RAB1B: variants seen among roughly 807,000 people sequenced by gnomAD.
RAB1B encodes RAB1B, member RAS oncogene family, also known as ras-related protein Rab-1B.
Under a neutral mutation model 24.8 loss-of-function variants are expected in RAB1B, and 10 were observed. The observed-to-expected ratio is 0.40, with a 90% confidence interval of 0.25 to 0.68. The LOEUF (loss-of-function observed/expected upper bound fraction) is 0.68, where lower values mean the gene tolerates loss of function less well. Among genes scored for constraint, RAB1B ranks in the 30% least tolerant of loss-of-function variants. The pLI is 0.37. For missense variants in RAB1B, 154 were observed against 271.2 expected, an observed-to-expected ratio of 0.57 and a Z score of 3.04; for synonymous variants, 99 against 111.7, an observed-to-expected ratio of 0.89 and a Z score of 0.72.
chr11:66,272,876 C>G (rs113682509), intron 4 of RAB1B, among the ~76,000 whole-genome samples: 36 of 152,322 alleles, frequency 2.4e-4, no homozygotes, highest in African/African-American at 8.4e-4. Context: ...GACAAAGAAG[C>G]AGGGAAGCTT....
Position 66,276,533 on chromosome 11 carries a change from G to A in RAB1B, c.*295G>A, listed in dbSNP as rs183229926. The A allele has an allele frequency of 3.4e-4, 130 of 383,360 alleles. No homozygotes were observed. The highest frequency in any genetic ancestry group is 2.5e-3 in the African/African-American group (120 of 47,270). 23.7% of individuals were successfully genotyped at this position (383,360 alleles called of 1,614,324 possible). On this transcript the variant is annotated 3_prime_UTR_variant, in exon 6 of 6. Transcript: ENST00000311481. ...CCTACACACCTTTCTTTGGAACGAG[G>A]GCTCTTCTGTCGGTGTCCCTCCCAC...
chr11:66,273,881 C>G (rs1177589791), intron 4 of RAB1B, among the ~76,000 whole-genome samples: 1 of 152,176 alleles, frequency 6.6e-6, no homozygotes, highest in African/African-American at 2.4e-5. Context: ...TGAGCACACC[C>G]TTTCCCACCC....
chr11:66,269,935 C>T (rs1331816453), intron 1 of RAB1B: 2 of 151,628 alleles, frequency 1.3e-5, no homozygotes, highest in African/African-American at 2.4e-5. Context: ...AGTGCAGTGG[C>T]GTGACGATGG....
intron 2 of RAB1B, 29 bp downstream of exon 2, chr11:66,271,898 C>T: frequency 1.3e-6 from 2 of 1,576,090 alleles, no homozygotes; most frequent in Non-Finnish European, 8.7e-7. Flanking sequence ...ATACCATCCA[C>T]CTGGGGTCCT....
In RAB1B at chr11:66,272,262, G is replaced by A. The variant is rs561758693; in HGVS notation, c.183+10G>A. ...TATCAAACTTCAGATCGTGAGTGTC[G>A]CTCTTCCCAAAATCCCCAGTACAGA... On this transcript the variant is annotated intron_variant, in intron 3 of 5. Coordinates refer to ENST00000311481, the MANE Select transcript of RAB1B (RefSeq NM_030981.3). The A allele has an allele frequency of 8.7e-6, 14 of 1,611,340 alleles. No individual in the cohort carries two copies. The highest frequency in any genetic ancestry group is 8.3e-5 in the Admixed American group (5 of 60,014).
intron 4 of RAB1B, 166 bp downstream of exon 4, chr11:66,272,626 T>G: frequency 2.0e-6 from 1 of 507,668 alleles, no homozygotes; most frequent in Non-Finnish European, 3.5e-6. Flanking sequence ...TGACTGTACT[T>G]GGACTCATTT....
In RAB1B at chr11:66,276,952, C is replaced by T. The variant is rs992518122; in HGVS notation, c.*714C>T. On this transcript the variant is annotated 3_prime_UTR_variant, in exon 6 of 6. Coordinates refer to ENST00000311481, the MANE Select transcript of RAB1B (RefSeq NM_030981.3). ...ACAGACCCATGCGCTGCCTGCCCAC[C>T]GTGCCCCTTTGTCCCCATGTCAGGC... 7 of 153,284 alleles carry T rather than the reference C, an allele frequency of 4.6e-5. No individual in the cohort carries two copies. Among genetic ancestry groups the T allele is most frequent in the Non-Finnish European group, 1.0e-4 (7 of 68,562 alleles). The allele number at this position is 153,284 out of a possible 1,614,324, so 9.5% of individuals were successfully genotyped here.
At chr11:66,268,747 C>A (rs1856986239) in intron 1 of RAB1B, 54 bp downstream of exon 1, 1 of 1,516,146 alleles carries the variant, frequency 6.6e-7, no homozygotes. Context: ...GAATACAGGG[C>A]TGTACGCTTA....
At position 66,275,230 on chromosome 11, in the gene RAB1B, T is replaced by G. The variant is rs534842750; in HGVS notation, c.280-574T>G. Among the ~76,000 whole-genome samples, 60 of 152,264 alleles carry G rather than the reference T, an allele frequency of 3.9e-4. 2 individuals carry two copies. The Middle Eastern group carries it at 0.02, about 52-fold the overall frequency. The stretch of plus-strand genomic sequence containing the variant: ...TCCTGAAAGTCCTGTCCTTTGTGTG[T>G]GGGGTAGGGGCGCAAGTGCTGGGAG... On this transcript the variant is annotated intron_variant, in intron 4 of 5. Coordinates refer to ENST00000311481, the MANE Select transcript of RAB1B (RefSeq NM_030981.3).
At position 66,276,085 on chromosome 11, in the gene RAB1B, C is replaced by T. The variant is rs769820476; in HGVS notation, c.453C>T (p.Ser151=). 99 of 1,613,660 alleles carry T rather than the reference C, an allele frequency of 6.1e-5. No individual in the cohort carries two copies. Among genetic ancestry groups the T allele is most frequent in the Non-Finnish European group, 6.9e-5 (82 of 1,179,884 alleles). ...TGGGCATCCCCTTCTTGGAGACGAG[C>T]GCCAAGAATGCCACCAATGTCGAGC... ...DSLGIPFLET[S]AKNATNVEQA... is the part of the protein sequence containing the mutation. The change falls in exon 6 of 6, where the codon AGC becomes AGT. Residue 151 remains serine, a synonymous_variant. Coordinates refer to ENST00000311481, the MANE Select transcript of RAB1B (RefSeq NM_030981.3).
At chr11:66,268,992 C>T (rs1857001466) in intron 1 of RAB1B, among the ~76,000 whole-genome samples, 3 of 152,072 alleles carry the variant, frequency 2.0e-5, no homozygotes, top group African/African-American at 7.2e-5. Context: ...CCCGCAGTCC[C>T]GGTCACTTCA....
In RAB1B at chr11:66,275,985, C is replaced by T. The variant is rs549578116; in HGVS notation, c.411+50C>T. On this transcript the variant is annotated intron_variant, in intron 5 of 5. Coordinates refer to ENST00000311481, the MANE Select transcript of RAB1B (RefSeq NM_030981.3). ...GGGTCGGGGCGCTGGGGCCTGCTGC[C>T]CCTCACCTGCTCTCCCCTCCTCTTC... 23 of 1,606,992 alleles carry T rather than the reference C, an allele frequency of 1.4e-5. No individual in the cohort carries two copies. In the East Asian group the frequency reaches 4.0e-4, roughly 28 times the overall value.
intron 4 of RAB1B, among the ~76,000 whole-genome samples, chr11:66,273,888 A>G (rs879276633): frequency 1.3e-5 from 2 of 152,072 alleles, no homozygotes; most frequent in Admixed American, 1.3e-4. Flanking sequence ...ACCCTTTCCC[A>G]CCCTCAAGCA....
intron 4 of RAB1B, among the ~76,000 whole-genome samples, chr11:66,275,462 C>T (rs115491790): frequency 2.0e-5 from 3 of 152,160 alleles, no homozygotes; most frequent in African/African-American, 7.2e-5. Flanking sequence ...GTTCCTATCT[C>T]CCGTCCGCTC....
At chr11:66,268,793 GC>G in intron 1 of RAB1B, 100 bp downstream of exon 1, 1 of 1,150,864 alleles carries the variant, frequency 8.7e-7, no homozygotes, top group Non-Finnish European at 1.1e-6. Flanking sequence ...ACTGTGCGGC[GC>G]CCCCACATCC....
chr11:66,276,252 A>G lies in RAB1B; in HGVS notation c.*14A>G. 6.4e-7 allele frequency: 1 copy of G among 1,571,206 alleles called. No homozygotes were observed. Among genetic ancestry groups the G allele is most frequent in the Non-Finnish European group, 8.6e-7 (1 of 1,163,342 alleles). ...GGCTGTTGCTAGGAGGGGCACATGG[A>G]GTGGGACAGGAGGGGGCACCTTCTC... On this transcript the variant is annotated 3_prime_UTR_variant, in exon 6 of 6. Coordinates refer to ENST00000311481, the MANE Select transcript of RAB1B (RefSeq NM_030981.3).
At chr11:66,273,133 G>A (rs774416408) in intron 4 of RAB1B, among the ~76,000 whole-genome samples, 11 of 152,228 alleles carry the variant, frequency 7.2e-5, no homozygotes, top group East Asian at 1.9e-4. Context: ...CAGCTAGTCC[G>A]GTGGCAGAGG....
At position 66,272,263 on chromosome 11, in the gene RAB1B, C is replaced by A. The variant is rs750197542; in HGVS notation, c.183+11C>A. ...ATCAAACTTCAGATCGTGAGTGTCGCTCTTCCCAAAATCCCCAGTACAGAG... is the reference window on the plus strand; with the variant it reads ...ATCAAACTTCAGATCGTGAGTGTCGATCTTCCCAAAATCCCCAGTACAGAG... On this transcript the variant is annotated intron_variant, in intron 3 of 5. Coordinates refer to ENST00000311481, the MANE Select transcript of RAB1B (RefSeq NM_030981.3). 3 of 1,611,638 alleles carry A rather than the reference C, an allele frequency of 1.9e-6. No individual in the cohort carries two copies. In the South Asian group the frequency reaches 3.3e-5, roughly 18 times the overall value.
chr11:66,276,545 G>T lies in RAB1B; in HGVS notation c.*307G>T, dbSNP rs934560432. ...TCTTTGGAACGAGGGCTCTTCTGTC[G>T]GTGTCCCTCCCACCCCCATGTATGC... On this transcript the variant is annotated 3_prime_UTR_variant, in exon 6 of 6. Transcript: ENST00000311481. 5 of 354,824 alleles carry T rather than the reference G, an allele frequency of 1.4e-5. No homozygotes were observed. The highest frequency in any genetic ancestry group is 8.6e-5 in the African/African-American group (4 of 46,364). The allele number at this position is 354,824 out of a possible 1,614,324, so 22.0% of individuals were successfully genotyped here. A position where few individuals can be genotyped will look rare whatever the true frequency, so the allele number is the denominator to read the frequency against.
Sources: allele counts gnomAD v4.1 joint callset (sites outside exome capture counted in the v4.1 genomes callset), GRCh38; gene constraint gnomAD v4.1.1; transcripts MANE v1.5; gene names NCBI Gene and HGNC (gene_info 2026-07-23, HGNC 2026-07-21).